Variants in CTNNBIP1 observed in about 807,000 individuals in gnomAD.
CTNNBIP1 encodes catenin beta interacting protein 1.
A neutral mutation model predicts 11.8 loss-of-function variants in CTNNBIP1; 7 were observed. The observed-to-expected ratio is 0.60, with a 90% CI of 0.34 to 1.12. CTNNBIP1 has a LOEUF of 1.12. CTNNBIP1 is among the 50% of genes most tolerant of loss of function. The pLI, the probability that CTNNBIP1 is intolerant of heterozygous loss-of-function variation, is 0.03. For synonymous variants in CTNNBIP1, 58 were observed against 43.9 expected (o/e 1.32, Z -1.26); for missense variants, 101 against 113.4 (o/e 0.89, Z 0.50).
At chr1:9,876,885 C>CACACAG (rs1421904906) in intron 3 of CTNNBIP1, among the ~76,000 whole-genome samples, 2 of 144,862 alleles carry the variant, frequency 1.4e-5, no homozygotes, top group Non-Finnish European at 3.0e-5. Flanking sequence ...CACACACACA[C>CACACAG]ACACAGTTCA....
At chr1:9,855,131 CACTT>C (rs1202340795) in intron 5 of CTNNBIP1, among the ~76,000 whole-genome samples, 4 of 152,018 alleles carry the variant, frequency 2.6e-5, no homozygotes, top group African/African-American at 7.3e-5. Flanking sequence ...CATAATAAAA[CACTT>C]AGGAACAAAT....
intron 1 of CTNNBIP1, among the ~76,000 whole-genome samples, chr1:9,884,659 C>A (rs1360006723): frequency 1.3e-5 from 2 of 152,116 alleles, no homozygotes; most frequent in Admixed American, 6.5e-5. Context: ...CAGAGAAAAA[C>A]CAGCCCCAAA....
At chr1:9,898,662 G>A (rs1488695679) in intron 1 of CTNNBIP1, among the ~76,000 whole-genome samples, 1 of 151,856 alleles carries the variant, frequency 6.6e-6, no homozygotes, top group East Asian at 1.9e-4. Flanking sequence ...ACCTAAAAAA[G>A]AAATGGGCAA....
intron 5 of CTNNBIP1, among the ~76,000 whole-genome samples, chr1:9,860,624 A>G (rs1638606956): frequency 6.6e-6 from 1 of 150,442 alleles, no homozygotes; most frequent in South Asian, 2.1e-4. Flanking sequence ...CTCTCAAAAA[A>G]AAAAAAAAAA....
At chr1:9,889,790 A>T (rs1432438767) in intron 1 of CTNNBIP1, among the ~76,000 whole-genome samples, 1 of 152,214 alleles carries the variant, frequency 6.6e-6, no homozygotes, top group Admixed American at 6.5e-5. Context: ...CACATCTCTT[A>T]TTAAATGTAA....
chr1:9,881,012 G>T (rs1473758970), intron 2 of CTNNBIP1, among the ~76,000 whole-genome samples: 1 of 152,278 alleles, frequency 6.6e-6, no homozygotes, highest in East Asian at 1.9e-4. Context: ...TTGGTTTACT[G>T]TTCTACTCTC....
At chr1:9,887,660 G>A (rs928317991) in intron 1 of CTNNBIP1, among the ~76,000 whole-genome samples, 6 of 150,282 alleles carry the variant, frequency 4.0e-5, no homozygotes, top group African/African-American at 1.5e-4. Flanking sequence ...CTGAGATCTC[G>A]CCACTGCACT....
chr1:9,878,936 A>T (rs1639026323), intron 2 of CTNNBIP1, among the ~76,000 whole-genome samples: 1 of 152,172 alleles, frequency 6.6e-6, no homozygotes, highest in Admixed American at 6.5e-5. Flanking sequence ...GGTGGCTCAC[A>T]CCTGTAATCC....
chr1:9,877,363 T>G (rs1638991182), intron 3 of CTNNBIP1, among the ~76,000 whole-genome samples: 1 of 152,170 alleles, frequency 6.6e-6, no homozygotes, highest in Admixed American at 6.5e-5. Flanking sequence ...TTTTTATTTT[T>G]AAACTGGAAG....
chr1:9,889,949 C>T (rs1183924300), intron 1 of CTNNBIP1, among the ~76,000 whole-genome samples: 1 of 152,156 alleles, frequency 6.6e-6, no homozygotes, highest in Non-Finnish European at 1.5e-5. Context: ...TGGGGCTCCT[C>T]GAGTGGTGAA....
chr1:9,891,976 T>C (rs1199188329), intron 1 of CTNNBIP1, among the ~76,000 whole-genome samples: 1 of 152,034 alleles, frequency 6.6e-6, no homozygotes, highest in African/African-American at 2.4e-5. Context: ...TAATTTTATT[T>C]TGTATTTTTA....
chr1:9,873,233 T>C (rs547603943), intron 3 of CTNNBIP1, among the ~76,000 whole-genome samples: 2 of 152,278 alleles, frequency 1.3e-5, no homozygotes, highest in South Asian at 2.1e-4. Context: ...GGATGCGGCA[T>C]AGGTCTCTTT....
chr1:9,865,744 C>G (rs1263551337), intron 5 of CTNNBIP1, among the ~76,000 whole-genome samples: 1 of 152,186 alleles, frequency 6.6e-6, no homozygotes, highest in African/African-American at 2.4e-5. Context: ...GTGATTACAG[C>G]TATGCAGTAG....
At chr1:9,865,252 T>A (rs1056682520) in intron 5 of CTNNBIP1, among the ~76,000 whole-genome samples, 5 of 144,842 alleles carry the variant, frequency 3.5e-5, no homozygotes, top group African/African-American at 5.1e-5. Context: ...AAAGTTTTAT[T>A]GGAAATTATT....
At chr1:9,864,705 C>T (rs944850768) in intron 5 of CTNNBIP1, among the ~76,000 whole-genome samples, 1 of 152,210 alleles carries the variant, frequency 6.6e-6, no homozygotes, top group Non-Finnish European at 1.5e-5. Context: ...CTTTGCAAAG[C>T]ACCATCAGAG....
chr1:9,856,161 G>T lies in CTNNBIP1; in HGVS notation c.188-5385C>A, dbSNP rs181657217. ...AGACTCTGTCTCAAAAAAAAAATAAGAAATAAATAAATAAAAGAAAAATTG... is the reference window on the plus strand; with the variant it reads ...AGACTCTGTCTCAAAAAAAAAATAATAAATAAATAAATAAAAGAAAAATTG... On this transcript the variant is annotated intron_variant, in intron 5 of 5. Transcript: ENST00000377263. Among the ~76,000 whole-genome samples the T allele has an allele frequency of 3.2e-3, 490 of 151,802 alleles. 3 individuals are homozygous for T. The highest frequency in any genetic ancestry group is 0.021 in the Middle Eastern group (6 of 292).
rs1402358881 is a variant in CTNNBIP1, at chr1:9,872,327, G to A, written c.-24-239C>T. Among the ~76,000 whole-genome samples, 1 of 152,236 alleles carries A rather than the reference G, an allele frequency of 6.6e-6. No individual in the cohort carries two copies. Among genetic ancestry groups the A allele is most frequent in the Non-Finnish European group, 1.5e-5 (1 of 68,044 alleles). ...CGCTGCAAGGGCTGGCCTGCCTGCT[G>A]CCTCTGTGCATGAAGCTGCTGCGTC... On this transcript the variant is annotated intron_variant, in intron 3 of 5. Transcript: ENST00000377263. This position sits in a 1 kb window ranked among gnomAD's most constrained non-coding sequence, Gnocchi z 4.0.
intron 1 of CTNNBIP1, among the ~76,000 whole-genome samples, chr1:9,898,426 A>G (rs1424281863): frequency 6.6e-6 from 1 of 152,160 alleles, no homozygotes; most frequent in East Asian, 1.9e-4. Context: ...CAGGAGGCTG[A>G]GGCACAAGAA....
chr1:9,904,913 T>C (rs527408766), intron 1 of CTNNBIP1, among the ~76,000 whole-genome samples: 1 of 152,238 alleles, frequency 6.6e-6, no homozygotes, highest in East Asian at 1.9e-4. Flanking sequence ...CTCAATAAAA[T>C]GCAGGACACA....
Sources: allele counts gnomAD v4.1 joint callset (sites outside exome capture counted in the v4.1 genomes callset), GRCh38; gene constraint gnomAD v4.1.1; non-coding constraint Gnocchi (gnomAD v3.1); transcripts MANE v1.5; gene names NCBI Gene and HGNC (gene_info 2026-07-23, HGNC 2026-07-21).